Variants in BCOR observed in about 807,000 individuals in gnomAD.
The protein encoded by BCOR is BCL-6 corepressor.
Under a neutral mutation model 86.7 loss-of-function variants are expected in BCOR, and 10 were observed. That is an observed-to-expected ratio of 0.12 (90% confidence interval 0.07 to 0.20). The LOEUF (loss-of-function observed/expected upper bound fraction) is 0.20. Ranked by LOEUF, BCOR falls within the 10% of genes least tolerant of loss-of-function variation. The pLI is 1.00. For synonymous variants in BCOR, 611 were observed against 609.0 expected (o/e 1.00, Z -0.05); for missense variants, 1,259 against 1,452.1 (o/e 0.87, Z 2.16).
upstream of BCOR, among the ~76,000 whole-genome samples, chrX:40,101,360 G>A (rs1937070641): frequency 8.9e-6 from 1 of 112,075 alleles, no homozygotes; most frequent in Non-Finnish European, 1.9e-5. Flanking sequence ...GAAAACAGAG[G>A]AGGAGGAGAG....
chrX:40,161,561 G>A (rs1443334850), intron 1 of BCOR, among the ~76,000 whole-genome samples: 1 of 94,059 alleles, frequency 1.1e-5, no homozygotes, highest in Non-Finnish European at 2.1e-5. Flanking sequence ...GCCCAGGCTG[G>A]AGAGTGCAGT....
At chrX:40,059,059 T>C (rs1243599915) in intron 10 of BCOR, among the ~76,000 whole-genome samples, 1 of 111,943 alleles carries the variant, frequency 8.9e-6, no homozygotes. Context: ...CTGACAATTA[T>C]GGCCTTCACC....
chrX:40,155,287 TTA>T (rs1938265733), intron 1 of BCOR, among the ~76,000 whole-genome samples: 1 of 111,608 alleles, frequency 9.0e-6, no homozygotes. Flanking sequence ...TGCAGGCACT[TTA>T]GAAAAAGAGG....
chrX:40,117,009 T>C (rs1937405753), intron 1 of BCOR, among the ~76,000 whole-genome samples: 1 of 112,082 alleles, frequency 8.9e-6, no homozygotes, highest in African/African-American at 3.2e-5. Flanking sequence ...GGACCCCTGC[T>C]TGCAGGCACA....
chrX:40,123,875 C>G (rs1937517202), intron 1 of BCOR, among the ~76,000 whole-genome samples: 1 of 110,506 alleles, frequency 9.0e-6, no homozygotes, highest in African/African-American at 3.3e-5. Context: ...TCCTCTCTCC[C>G]AGCACTACCA....
chrX:40,075,305 GCTTC>G, intron 3 of BCOR, 125 bp from the exon 4 acceptor site: 2 of 426,013 alleles, frequency 4.7e-6, no homozygotes, highest in Non-Finnish European at 7.2e-6. Context: ...TTAAAGACAG[GCTTC>G]CGGCGGGGCG....
At chrX:40,173,198 C>T (rs1181225947) in intron 1 of BCOR, among the ~76,000 whole-genome samples, 1 of 111,822 alleles carries the variant, frequency 8.9e-6, no homozygotes, top group African/African-American at 3.3e-5. Context: ...TCTCTCTGGT[C>T]AATCCAGGCC....
intron 1 of BCOR, among the ~76,000 whole-genome samples, chrX:40,094,477 G>A: frequency 8.9e-6 from 1 of 112,950 alleles, no homozygotes. Flanking sequence ...TCCAGCTCCG[G>A]CCCCCCGCGC....
chrX:40,101,893 C>A (rs1237632526), upstream of BCOR, among the ~76,000 whole-genome samples: 2 of 112,384 alleles, frequency 1.8e-5, no homozygotes, highest in African/African-American at 6.5e-5. Flanking sequence ...TGTATTTTTA[C>A]ATAATGTGAG....
chrX:40,126,712 G>A (rs763679868), intron 1 of BCOR, among the ~76,000 whole-genome samples: 1 of 110,599 alleles, frequency 9.0e-6, no homozygotes, highest in African/African-American at 3.3e-5. Context: ...AAAATTAGCC[G>A]GGTATGGTGG....
intron 1 of BCOR, among the ~76,000 whole-genome samples, chrX:40,170,247 T>C (rs1938590918): frequency 8.9e-6 from 1 of 111,839 alleles, no homozygotes; most frequent in Non-Finnish European, 1.9e-5. Flanking sequence ...GTCCTGGGGC[T>C]GGGGGAATGG....
rs1238996683 is a variant in BCOR, at chrX:40,073,727, C to T, written c.1619G>A (p.Arg540Gln). The T allele has an allele frequency of 2.5e-6, 3 of 1,212,637 alleles. No homozygotes were observed. Among genetic ancestry groups the T allele is most frequent in the South Asian group, 3.5e-5 (2 of 57,078 alleles). ...KALDWAIPQQ[R>Q]SSSCPRMGGT... The stretch of plus-strand genomic sequence containing the variant: ...GCCCATGCGCGGGCATGATGAACTC[C>T]GCTGCTGTGGTATCGCCCAGTCCAA... The change falls in exon 4 of 15, where the codon CGG becomes CAG. Residue 540 changes from arginine to glutamine, a missense_variant. Arg to Gln is a conservative substitution (Grantham distance 43, BLOSUM62 1). Coordinates refer to ENST00000378444, the MANE Select transcript of BCOR (RefSeq NM_001123385.2).
rs7885719 is a variant in BCOR at position 40,167,625 on chromosome X, G to A, written c.-41+9382C>T. Among the ~76,000 whole-genome samples, 901 of 112,864 alleles carry A rather than the reference G, an allele frequency of 8.0e-3. 11 individuals are homozygous for A. Among genetic ancestry groups the A allele is most frequent in the African/African-American group, 0.028 (858 of 31,124 alleles). ...CAGCCGCCTGCTCGGCTTTTATTGT[G>A]CACGCAGCCTGGTCTGCGTGGATCC... On this transcript the variant is annotated intron_variant, in intron 1 of 14. Coordinates refer to the BCOR transcript ENST00000342274.
chrX:40,139,492 TATATA>T (rs1426557638), intron 1 of BCOR, among the ~76,000 whole-genome samples: 121 of 11,834 alleles, frequency 0.01, 18 homozygotes, highest in Non-Finnish European at 0.013. Flanking sequence ...TATATATATA[TATATA>T]TTTTTTTTTT....
At position 40,093,782 on chromosome X, in the gene BCOR, C is replaced by T. The variant is rs1350296695; in HGVS notation, c.-41+3433G>A. 5.4e-5 allele frequency among the ~76,000 whole-genome samples: 6 copies of T among 111,889 alleles called. No individual in the cohort carries two copies. The East Asian group carries it at 1.4e-3, about 26-fold the overall frequency. On this transcript the variant is annotated intron_variant, in intron 1 of 14. Transcript: ENST00000378444. ...AGCAGTCATAGTCAGAGGCCCCACC[C>T]GACTACAGCTATGTGCAGACCTTCC...
chrX:40,056,053 C>T (rs1015441837), intron 11 of BCOR, among the ~76,000 whole-genome samples: 4 of 109,696 alleles, frequency 3.6e-5, no homozygotes, highest in African/African-American at 1.3e-4. Flanking sequence ...CTCCTAGGCT[C>T]AAGTGATCCT....
upstream of BCOR, among the ~76,000 whole-genome samples, chrX:40,099,328 G>T (rs1937026810): frequency 8.9e-6 from 1 of 111,760 alleles, no homozygotes; most frequent in Non-Finnish European, 1.9e-5. Flanking sequence ...AAGCTGGCGG[G>T]AAGGGGTAGG....
In BCOR at chrX:40,075,169, G is replaced by A. The variant is rs1935739804; in HGVS notation, c.177C>T (p.Ser59=). ...NPLNHNVVDA[S]TAHRIDGLAA... ...CCAGGCCATCGATCCTATGGGCCGTGCTCGCATCCACCTTTGCAGAAGAAC... is the reference window on the plus strand; with the variant it reads ...CCAGGCCATCGATCCTATGGGCCGTACTCGCATCCACCTTTGCAGAAGAAC... Residue 59 remains serine, a synonymous_variant, in exon 4 of 15, where the codon AGC becomes AGT. Transcript: ENST00000378444. 8.3e-7 allele frequency: 1 copy of A among 1,207,651 alleles called. No individual in the cohort carries two copies. Among genetic ancestry groups the A allele is most frequent in the Non-Finnish European group, 1.1e-6 (1 of 893,815 alleles).
intron 10 of BCOR, among the ~76,000 whole-genome samples, chrX:40,058,155 G>A (rs958168447): frequency 8.9e-6 from 1 of 112,440 alleles, no homozygotes; most frequent in South Asian, 3.7e-4. Flanking sequence ...AATGTGTTCC[G>A]CATCAACAGT....
Sources: gnomAD v4.1 joint callset for allele counts (sites outside exome capture counted in the v4.1 genomes callset) on GRCh38, gnomAD v4.1.1 for gene constraint, MANE v1.5 for transcripts, NCBI Gene and HGNC (gene_info 2026-07-23, HGNC 2026-07-21) for gene names.